Variants in TRPM2 observed in about 807,000 individuals in gnomAD.
The protein encoded by TRPM2 is transient receptor potential cation channel subfamily M member 2.
Under a neutral mutation model 174.0 loss-of-function variants are expected in TRPM2, and 161 were observed. That is an observed-to-expected ratio of 0.93 (90% CI 0.81 to 1.05). TRPM2 has a LOEUF of 1.05. TRPM2 is among the 50% of genes least tolerant of loss of function. The pLI, the probability that TRPM2 is intolerant of heterozygous loss-of-function variation, is 0.00. For synonymous variants in TRPM2, 954 were observed against 861.3 expected, an observed-to-expected ratio of 1.11 and a Z score of -1.88; for missense variants, 2,057 against 2,038.0, an observed-to-expected ratio of 1.01 and a Z score of -0.18.
intron 20 of TRPM2, among the ~76,000 whole-genome samples, chr21:44,417,073 CGTGGGCAT>C (rs2050315795): frequency 8.8e-6 from 1 of 113,558 alleles, no homozygotes; most frequent in Non-Finnish European, 1.8e-5. Context: ...ACAGTGGGCA[CGTGGGCAT>C]GGCTCTGCTC....
intron 16 of TRPM2, among the ~76,000 whole-genome samples, chr21:44,402,261 A>G (rs563425852): frequency 2.0e-5 from 3 of 152,098 alleles, no homozygotes; most frequent in Non-Finnish European, 4.4e-5. Context: ...TTCAATAACG[A>G]GCCAGAAGGA....
rs551873594 is a variant in TRPM2, at chr21:44,434,903, C to G, written c.3975-228C>G. On this transcript the variant is annotated intron_variant, in intron 27 of 31. Coordinates refer to ENST00000397928, the MANE Select transcript of TRPM2 (RefSeq NM_003307.4). Reference sequence around the variant, plus strand: ...CCGGACTTCTGCTCCCAGGGAGACCCTTCCCCCACCAGGTGACCCCGAGTT... The same window carrying G: ...CCGGACTTCTGCTCCCAGGGAGACCGTTCCCCCACCAGGTGACCCCGAGTT... 7.9e-5 allele frequency among the ~76,000 whole-genome samples: 12 copies of G among 152,246 alleles called. No homozygotes were observed. The East Asian group carries it at 2.3e-3, about 29-fold the overall frequency.
At chr21:44,382,285 A>T (rs897051801) in intron 8 of TRPM2, among the ~76,000 whole-genome samples, 3 of 152,316 alleles carry the variant, frequency 2.0e-5, no homozygotes, top group African/African-American at 7.2e-5. Context: ...GGATAGATAG[A>T]TCAGATTATG....
Position 44,391,012 on chromosome 21 carries a change from A to T in TRPM2, c.1427A>T (p.Glu476Val), listed in dbSNP as rs2146240097. ...DIARSEIFMDEWQWKPSDLHP... is the reference protein window; with the variant it reads ...DIARSEIFMDVWQWKPSDLHP... ...GCCCGCAGTGAGATCTTCATGGATGAGTGGCAGTGGAAGGTAAGTCTTCCA... is the reference window on the plus strand; with the variant it reads ...GCCCGCAGTGAGATCTTCATGGATGTGTGGCAGTGGAAGGTAAGTCTTCCA... The change falls in exon 10 of 32, where the codon GAG becomes GTG. Residue 476 changes from glutamate to valine, a missense_variant. Physicochemically the swap from Glu to Val is moderately radical, Grantham distance 121. Transcript: ENST00000397928. This position sits in a 1 kb window ranked among gnomAD's most constrained non-coding sequence, Gnocchi z 5.0. 1 of 1,613,968 alleles carries T rather than the reference A, an allele frequency of 6.2e-7. No homozygotes were observed. The highest frequency in any genetic ancestry group is 8.5e-7 in the Non-Finnish European group (1 of 1,180,024).
chr21:44,398,178 A>G lies in TRPM2; in HGVS notation c.2062+302A>G, dbSNP rs2049493095. The stretch of plus-strand genomic sequence containing the variant: ...TGGGAAGCTGGAGTTTCATCACCCA[A>G]ATCAGTCTCCCTGAAAATTTGGAGA... On this transcript the variant is annotated intron_variant, in intron 13 of 31. Transcript: ENST00000397928. Among the ~76,000 whole-genome samples the G allele has an allele frequency of 2.6e-5, 4 of 151,286 alleles. No homozygotes were observed. In the South Asian group the frequency reaches 8.3e-4, roughly 32 times the overall value.
intron 15 of TRPM2, among the ~76,000 whole-genome samples, chr21:44,400,867 C>T (rs1317319995): frequency 6.6e-6 from 1 of 152,218 alleles, no homozygotes; most frequent in African/African-American, 2.4e-5. Flanking sequence ...CCACCTGCAC[C>T]TCCTCAGAGG....
At chr21:44,436,079 A>T (rs2051253919) in intron 28 of TRPM2, among the ~76,000 whole-genome samples, 1 of 136,182 alleles carries the variant, frequency 7.3e-6, no homozygotes, top group Admixed American at 7.2e-5. Context: ...ATTCCTCCAC[A>T]CCCATTCACA....
intron 5 of TRPM2, among the ~76,000 whole-genome samples, chr21:44,372,695 G>C (rs2048574634): frequency 6.6e-6 from 1 of 152,110 alleles, no homozygotes; most frequent in Non-Finnish European, 1.5e-5. Flanking sequence ...CACAGCTGCA[G>C]ACACTCTCAT....
chr21:44,407,580 A>T (rs1385671815), intron 19 of TRPM2, among the ~76,000 whole-genome samples: 3 of 151,160 alleles, frequency 2.0e-5, no homozygotes, highest in Admixed American at 6.6e-5. Flanking sequence ...CACCCTGAAA[A>T]GACCCTGCAT....
At chr21:44,385,750 G>A (rs1294585349) in intron 9 of TRPM2, among the ~76,000 whole-genome samples, 1 of 152,200 alleles carries the variant, frequency 6.6e-6, no homozygotes. Context: ...CAATCATGGT[G>A]GAAGATGAAG....
intron 24 of TRPM2, 130 bp from the exon 25 acceptor site, chr21:44,425,540 C>A: frequency 1.7e-6 from 2 of 1,155,232 alleles, no homozygotes; most frequent in South Asian, 1.9e-5. Context: ...ACCTGCATGG[C>A]CATTTGGGCT....
intron 26 of TRPM2, 65 bp from the exon 27 acceptor site, chr21:44,426,945 C>T: frequency 6.7e-7 from 1 of 1,490,640 alleles, no homozygotes; most frequent in African/African-American, 1.4e-5. Context: ...GGTGATCCCT[C>T]TGCCTGTCTG....
In TRPM2 at chr21:44,440,783, A is replaced by G; in HGVS notation, c.4270-6A>G. 1 of 1,613,150 alleles carries G rather than the reference A, an allele frequency of 6.2e-7. No individual in the cohort carries two copies. Among genetic ancestry groups the G allele is most frequent in the South Asian group, 1.1e-5 (1 of 91,038 alleles). ...CTGTCGGGCTTACCCTGCCCTGCCC[A>G]TCCAGGTGTACAAAGGCTACATGGA... On this transcript the variant is annotated splice_region_variant and splice_polypyrimidine_tract_variant and intron_variant, in intron 30 of 31. Coordinates refer to ENST00000397928, the MANE Select transcript of TRPM2 (RefSeq NM_003307.4).
intron 3 of TRPM2, 61 bp downstream of exon 3, chr21:44,364,343 C>G: frequency 1.9e-6 from 3 of 1,574,942 alleles, no homozygotes; most frequent in Non-Finnish European, 2.6e-6. Context: ...CACAGTGACA[C>G]GCGGTGGTCG....
intron 30 of TRPM2, 80 bp from the exon 31 acceptor site, chr21:44,440,709 C>A: frequency 2.5e-6 from 3 of 1,210,332 alleles, no homozygotes; most frequent in Non-Finnish European, 3.7e-6. Context: ...AGAGCTGGGT[C>A]AGGGTGGAGG....
At chr21:44,383,380 A>T (rs2048936954) in intron 9 of TRPM2, among the ~76,000 whole-genome samples, 1 of 152,134 alleles carries the variant, frequency 6.6e-6, no homozygotes, top group African/African-American at 2.4e-5. Context: ...TTGGTCTTAT[A>T]TGTGCTCCTC....
rs1301128005 is a variant in TRPM2 at position 44,366,941 on chromosome 21, C to T, written c.604+7C>T. ...AAGGTGGCTCAGACCACAGGTAACT[C>T]GGAGGCTGGAGGGACACGAGGCCCC... On this transcript the variant is annotated splice_region_variant and intron_variant, in intron 4 of 31. Coordinates refer to ENST00000397928, the MANE Select transcript of TRPM2 (RefSeq NM_003307.4). This position sits in a 1 kb window ranked among gnomAD's most constrained non-coding sequence, Gnocchi z 6.0. 6 of 1,571,224 alleles carry T rather than the reference C, an allele frequency of 3.8e-6. No homozygotes were observed. Among genetic ancestry groups the T allele is most frequent in the Admixed American group, 1.8e-5 (1 of 56,822 alleles).
At chr21:44,417,656 G>A (rs1300550457) in intron 20 of TRPM2, among the ~76,000 whole-genome samples, 6 of 120,678 alleles carry the variant, frequency 5.0e-5, no homozygotes, top group East Asian at 2.8e-4. Context: ...CAGTGGGCAC[G>A]TGGGCGTGGC....
intron 20 of TRPM2, among the ~76,000 whole-genome samples, chr21:44,417,645 A>T (rs1271676769): frequency 1.9e-5 from 2 of 104,600 alleles, no homozygotes; most frequent in Admixed American, 1.1e-4. Context: ...CTCTGGCATC[A>T]CAGTGGGCAC....
Sources: gnomAD v4.1 joint callset for allele counts (sites outside exome capture counted in the v4.1 genomes callset) on GRCh38, gnomAD v4.1.1 for gene constraint, Gnocchi (gnomAD v3.1) non-coding constraint, MANE v1.5 for transcripts, NCBI Gene and HGNC (gene_info 2026-07-23, HGNC 2026-07-21) for gene names.